Variants in MROH9 observed in about 807,000 individuals in gnomAD.
MROH9 encodes the protein maestro heat-like repeat-containing protein family member 9.
A neutral mutation model predicts 98.2 loss-of-function variants in MROH9; 92 were observed. The observed-to-expected ratio is 0.94, with a 90% CI of 0.79 to 1.11. The LOEUF (loss-of-function observed/expected upper bound fraction) is 1.11, where lower values mean the gene tolerates loss of function less well. Among genes scored for constraint, MROH9 ranks in the 50% most tolerant of loss-of-function variants. The probability of loss-of-function intolerance (pLI) is 0.00; values close to 1 mark genes in which losing one functional copy is unlikely to be tolerated. For synonymous variants in MROH9, 397 were observed against 368.9 expected (o/e 1.08, Z -0.87); for missense variants, 1,057 against 1,014.8 (o/e 1.04, Z -0.57).
intron 6 of MROH9, among the ~76,000 whole-genome samples, chr1:170,964,339 GA>G (rs1650145063): frequency 7.3e-6 from 1 of 137,756 alleles, no homozygotes; most frequent in Non-Finnish European, 1.6e-5. Context: ...CCTCACTCCT[GA>G]AAAGGACAAG....
At chr1:171,023,830 T>C (rs1282688559) in intron 17 of MROH9, among the ~76,000 whole-genome samples, 2 of 152,076 alleles carry the variant, frequency 1.3e-5, no homozygotes, top group East Asian at 3.9e-4. Flanking sequence ...GTAACTAGAC[T>C]TACATTAGAT....
At chr1:170,960,104 A>G (rs1571451725) in intron 5 of MROH9, among the ~76,000 whole-genome samples, 2 of 152,310 alleles carry the variant, frequency 1.3e-5, no homozygotes, top group South Asian at 4.1e-4. Flanking sequence ...CTATCAGGCT[A>G]ATTGTTTCTT....
intron 3 of MROH9, among the ~76,000 whole-genome samples, chr1:170,953,772 G>T (rs1355911414): frequency 6.8e-6 from 1 of 147,274 alleles, no homozygotes; most frequent in East Asian, 2.0e-4. Context: ...AGAAAGAAAG[G>T]ATGGAGAGAG....
In MROH9 at chr1:171,034,377, C is replaced by T. The variant is rs150742221; in HGVS notation, c.2281+8957C>T. The stretch of plus-strand genomic sequence containing the variant: ...GGATGAACTATTGCAAAAAGACATC[C>T]AGTATCTATTTAACTGTAGGACTCT... On this transcript the variant is annotated intron_variant, in intron 20 of 21. Coordinates refer to ENST00000367759, the MANE Select transcript of MROH9 (RefSeq NM_001163629.2). 6.0e-4 allele frequency among the ~76,000 whole-genome samples: 92 copies of T among 152,224 alleles called. 1 individual carries two copies. Among genetic ancestry groups the T allele is most frequent in the African/African-American group, 2.1e-3 (87 of 41,550 alleles).
At chr1:170,935,982 C>CAAAAAAAAAAAAAAAAAAA (rs59883013) in intron 1 of MROH9, among the ~76,000 whole-genome samples, 2 of 62,264 alleles carry the variant, frequency 3.2e-5, no homozygotes, top group African/African-American at 5.2e-5. Context: ...CAGAGTGAGA[C>CAAAAAAAAAAAAAAAAAAA]AAAAAAAAAA....
intron 9 of MROH9, 83 bp from the exon 10 acceptor site, chr1:170,986,478 G>A: frequency 6.8e-7 from 1 of 1,460,186 alleles, no homozygotes; most frequent in East Asian, 2.3e-5. Flanking sequence ...TGGCTCTTGA[G>A]CATCCCCCAC....
At chr1:171,042,850 T>C (rs371804592) in intron 20 of MROH9, among the ~76,000 whole-genome samples, 11 of 152,280 alleles carry the variant, frequency 7.2e-5, no homozygotes, top group South Asian at 4.1e-4. Context: ...GTTTTTCCTA[T>C]AGAGTTGTTT....
intron 20 of MROH9, among the ~76,000 whole-genome samples, chr1:171,038,367 G>C (rs1245571073): frequency 6.6e-6 from 1 of 152,140 alleles, no homozygotes; most frequent in Non-Finnish European, 1.5e-5. Context: ...TTTTGGCCAG[G>C]TTGCAGGAAG....
chr1:171,012,735 C>T (rs1383320931), intron 15 of MROH9, among the ~76,000 whole-genome samples: 3 of 152,056 alleles, frequency 2.0e-5, no homozygotes, highest in African/African-American at 7.2e-5. Context: ...GATCTTCTGA[C>T]ATCATGATCC....
intron 3 of MROH9, among the ~76,000 whole-genome samples, chr1:170,948,042 G>T (rs928460216): frequency 1.3e-5 from 2 of 151,826 alleles, no homozygotes; most frequent in African/African-American, 4.8e-5. Flanking sequence ...TAGGCCTTTT[G>T]CAGATTTCTT....
chr1:171,025,517 G>GAGACA, intron 20 of MROH9, 97 bp downstream of exon 20: 2 of 745,112 alleles, frequency 2.7e-6, no homozygotes, highest in Non-Finnish European at 4.5e-6. Context: ...TAATGTCTCT[G>GAGACA]TTTATGAGGG....
chr1:170,973,654 T>A (rs922306184), intron 8 of MROH9, among the ~76,000 whole-genome samples: 2 of 152,188 alleles, frequency 1.3e-5, no homozygotes, highest in Non-Finnish European at 2.9e-5. Flanking sequence ...GGCGGGCAGA[T>A]CACCTGAGGT....
Position 171,044,084 on chromosome 1 carries a change from G to C in MROH9, c.2282-18048G>C, listed in dbSNP as rs1434014264. Among the ~76,000 whole-genome samples, 4 of 152,096 alleles carry C rather than the reference G, an allele frequency of 2.6e-5. No individual in the cohort carries two copies. In the East Asian group the frequency reaches 7.7e-4, roughly 29 times the overall value. On this transcript the variant is annotated intron_variant, in intron 20 of 21. Coordinates refer to ENST00000367759, the MANE Select transcript of MROH9 (RefSeq NM_001163629.2). The stretch of plus-strand genomic sequence containing the variant: ...AAGGCTTTCAGTTTTTCCCCATTCA[G>C]TATGATACGAACTGTGGGTCTGTCA...
chr1:170,971,841 T>A lies in MROH9; in HGVS notation c.574T>A (p.Leu192Met), dbSNP rs752291338. 1.2e-6 allele frequency: 2 copies of A among 1,614,052 alleles called. No homozygotes were observed. The highest frequency in any genetic ancestry group is 3.3e-5 in the Admixed American group (2 of 60,008). The change falls in exon 8 of 22, where the codon TTG (leucine) becomes ATG (methionine). Residue 192 changes from leucine to methionine, a missense_variant. Leu to Met is a conservative substitution (Grantham distance 15). Transcript: ENST00000367759. ...EDPSIVKQAS[L>M]GMCHLLYIAR... ...TCCCTCGATTGTAAAACAAGCATCA[T>A]TGGGAATGTGTCACCTCCTCTACAT...
At chr1:170,958,045 G>C (rs556208760) in intron 3 of MROH9, among the ~76,000 whole-genome samples, 2 of 152,014 alleles carry the variant, frequency 1.3e-5, no homozygotes, top group Non-Finnish European at 2.9e-5. Flanking sequence ...TCCTGACCTC[G>C]TGGTCCCCCC....
chr1:171,040,763 T>C (rs1653270183), intron 20 of MROH9, among the ~76,000 whole-genome samples: 1 of 152,176 alleles, frequency 6.6e-6, no homozygotes, highest in South Asian at 2.1e-4. Context: ...GTCTAGCATA[T>C]GGCAGTTGTT....
At chr1:171,023,525 A>T (rs1408023183) in intron 17 of MROH9, among the ~76,000 whole-genome samples, 1 of 152,188 alleles carries the variant, frequency 6.6e-6, no homozygotes, top group East Asian at 1.9e-4. Flanking sequence ...ATCTTCCTAA[A>T]TTTAAGAAAC....
chr1:171,057,766 C>G (rs190082591), intron 20 of MROH9, among the ~76,000 whole-genome samples: 49 of 152,238 alleles, frequency 3.2e-4, no homozygotes, highest in African/African-American at 1.2e-3. Context: ...GAAGAGTGGA[C>G]CACTCAGCAG....
At chr1:170,955,598 G>C (rs979833222) in intron 3 of MROH9, among the ~76,000 whole-genome samples, 3 of 152,030 alleles carry the variant, frequency 2.0e-5, no homozygotes, top group South Asian at 2.1e-4. Context: ...TCATATGTTT[G>C]TTGGCCATTT....
Sources: gnomAD v4.1 joint callset for allele counts (sites outside exome capture counted in the v4.1 genomes callset) on GRCh38, gnomAD v4.1.1 for gene constraint, MANE v1.5 for transcripts, NCBI Gene and HGNC (gene_info 2026-07-23, HGNC 2026-07-21) for gene names.